Variants in WDR27 observed in about 807,000 individuals in gnomAD.
WDR27 encodes the protein WD repeat-containing protein 27.
WDR27 carries 100 observed loss-of-function variants against 114.4 expected under a neutral mutation model. The ratio of observed to expected loss-of-function variants is 0.87; its 90% CI spans 0.74 to 1.03. The LOEUF (loss-of-function observed/expected upper bound fraction) is 1.03, where lower values mean the gene tolerates loss of function less well. Ranked by LOEUF, WDR27 falls within the 50% of genes least tolerant of loss-of-function variation. The pLI is 0.00. For synonymous variants in WDR27, 449 were observed against 423.1 expected (o/e 1.06, Z -0.75); for missense variants, 1,129 against 1,092.9 (o/e 1.03, Z -0.47).
rs1203473280 is a variant in WDR27 at position 169,684,580 on chromosome 6, C to T, written c.189+4237G>A. 6.6e-6 allele frequency among the ~76,000 whole-genome samples: 1 copy of T among 152,046 alleles called. No homozygotes were observed. Among genetic ancestry groups the T allele is most frequent in the Non-Finnish European group, 1.5e-5 (1 of 67,968 alleles). On this transcript the variant is annotated intron_variant, in intron 2 of 25. Transcript: ENST00000448612. The surrounding 1 kb of genome is among the most constrained non-coding windows in gnomAD (Gnocchi z 4.3). ...CCTGGGCCTATAGTAGCCCTGTGCC[C>T]ACACCCAGGAGACATACCCCCAGGT...
intron 25 of WDR27, among the ~76,000 whole-genome samples, chr6:169,561,297 C>T (rs1013263138): frequency 6.6e-6 from 1 of 152,056 alleles, no homozygotes; most frequent in Non-Finnish European, 1.5e-5. Flanking sequence ...TCCCTCATGA[C>T]CTCATCACCT....
At chr6:169,563,459 T>G (rs1228718970) in intron 25 of WDR27, among the ~76,000 whole-genome samples, 1 of 152,218 alleles carries the variant, frequency 6.6e-6, no homozygotes, top group Non-Finnish European at 1.5e-5. Context: ...AACATGTGCC[T>G]GAACTAACAT....
chr6:169,463,491 G>A (rs1785166968), intron 25 of WDR27, among the ~76,000 whole-genome samples: 1 of 152,168 alleles, frequency 6.6e-6, no homozygotes, highest in South Asian at 2.1e-4. Context: ...ACAAGGCAAG[G>A]ATGCCCGCTT....
At chr6:169,508,777 T>C (rs1792354413) in intron 25 of WDR27, among the ~76,000 whole-genome samples, 2 of 152,242 alleles carry the variant, frequency 1.3e-5, no homozygotes, top group South Asian at 2.1e-4. Context: ...ATGTATTATA[T>C]TATCAGTAGA....
intron 23 of WDR27, among the ~76,000 whole-genome samples, chr6:169,590,833 T>C (rs887233168): frequency 3.9e-5 from 6 of 152,222 alleles, no homozygotes. Flanking sequence ...TTTTAAGGCC[T>C]GGGATAATAT....
intron 25 of WDR27, among the ~76,000 whole-genome samples, chr6:169,513,225 G>T (rs962459215): frequency 2.6e-5 from 4 of 152,154 alleles, no homozygotes; most frequent in African/African-American, 9.7e-5. Context: ...CCTCAGTGAG[G>T]TGGGCCCCTC....
chr6:169,510,917 C>T (rs904477212), intron 25 of WDR27, among the ~76,000 whole-genome samples: 2 of 151,532 alleles, frequency 1.3e-5, no homozygotes, highest in African/African-American at 4.8e-5. Context: ...GATTACAAGG[C>T]AAAAAAAATA....
In WDR27 at chr6:169,667,019, T is replaced by C. The variant is rs190246793; in HGVS notation, c.712+117A>G. On this transcript the variant is annotated intron_variant, in intron 6 of 25. Transcript: ENST00000448612. The stretch of plus-strand genomic sequence containing the variant: ...GGAGTGAAGGGCTGTAAGTCTGAGA[T>C]TGCCTCATTCAGATCCACTCGAATG... 3.3e-4 allele frequency: 431 copies of C among 1,302,166 alleles called. 1 individual carries two copies. Among genetic ancestry groups the C allele is most frequent in the Non-Finnish European group, 4.0e-4 (409 of 1,021,342 alleles). The allele number at this position is 1,302,166 out of a possible 1,614,324, so 80.7% of individuals were successfully genotyped here.
chr6:169,563,896 C>T (rs1484435459), intron 25 of WDR27, among the ~76,000 whole-genome samples: 1 of 152,192 alleles, frequency 6.6e-6, no homozygotes, highest in East Asian at 1.9e-4. Context: ...CCAGCCTTCA[C>T]AAGACAGTGG....
chr6:169,536,839 T>C (rs1796255511), intron 25 of WDR27, among the ~76,000 whole-genome samples: 2 of 151,986 alleles, frequency 1.3e-5, no homozygotes, highest in African/African-American at 4.8e-5. Context: ...CCCTTCCCTC[T>C]TAGTCTCTGG....
chr6:169,683,287 A>G (rs1782010145), intron 2 of WDR27, among the ~76,000 whole-genome samples: 1 of 152,222 alleles, frequency 6.6e-6, no homozygotes, highest in Non-Finnish European at 1.5e-5. Flanking sequence ...AAAGACAAAG[A>G]GAGGATCTTG....
intron 22 of WDR27, among the ~76,000 whole-genome samples, chr6:169,607,890 G>T (rs1290019590): frequency 6.6e-6 from 1 of 151,918 alleles, no homozygotes; most frequent in Admixed American, 6.6e-5. Flanking sequence ...TTAATGCCGG[G>T]GATACATTCC....
the WDR27 span, chr6:169,427,042 A>T: frequency 6.6e-6 from 1 of 152,456 alleles, no homozygotes; most frequent in Non-Finnish European, 1.5e-5. Context: ...ATGAGGAAGA[A>T]ATCAGCAGGT....
At chr6:169,585,855 C>G (rs1301384369) in intron 23 of WDR27, among the ~76,000 whole-genome samples, 2 of 152,092 alleles carry the variant, frequency 1.3e-5, no homozygotes. Flanking sequence ...GCAGCAGAGG[C>G]AGGCTCACTC....
chr6:169,570,419 C>T (rs1431240413), intron 25 of WDR27, among the ~76,000 whole-genome samples: 2 of 152,184 alleles, frequency 1.3e-5, no homozygotes, highest in African/African-American at 4.8e-5. Flanking sequence ...CAGGAGGACA[C>T]GAGACCAGCA....
chr6:169,681,884 G>C (rs1277277732), intron 2 of WDR27, among the ~76,000 whole-genome samples: 1 of 152,150 alleles, frequency 6.6e-6, no homozygotes, highest in Non-Finnish European at 1.5e-5. Flanking sequence ...CATCTGTGCT[G>C]AGACCTGCTA....
intron 1 of WDR27, among the ~76,000 whole-genome samples, chr6:169,696,915 A>G (rs569751379): frequency 6.6e-6 from 1 of 152,338 alleles, no homozygotes; most frequent in East Asian, 1.9e-4. Flanking sequence ...CCCTGTCTCA[A>G]AAACAAACAA....
At chr6:169,605,125 G>C in intron 22 of WDR27, among the ~76,000 whole-genome samples, 1 of 85,906 alleles carries the variant, frequency 1.2e-5, no homozygotes, top group African/African-American at 5.0e-5. Flanking sequence ...AAAAAAAAAA[G>C]TTTTTTTTTT....
At chr6:169,502,623 C>T (rs1197140502) in intron 25 of WDR27, among the ~76,000 whole-genome samples, 1 of 152,182 alleles carries the variant, frequency 6.6e-6, no homozygotes, top group Non-Finnish European at 1.5e-5. Context: ...GTGGCCCCTT[C>T]TCATCCTTCG....
Sources: gnomAD v4.1 joint callset for allele counts (sites outside exome capture counted in the v4.1 genomes callset) on GRCh38, gnomAD v4.1.1 for gene constraint, Gnocchi (gnomAD v3.1) non-coding constraint, MANE v1.5 for transcripts, NCBI Gene and HGNC (gene_info 2026-07-23, HGNC 2026-07-21) for gene names.